The following TLK1 variants were observed in gnomAD, a reference collection of about 807,000 sequenced individuals.
TLK1 encodes serine/threonine-protein kinase tousled-like 1.
TLK1 carries 24 observed loss-of-function variants against 105.3 expected under a neutral mutation model. That is an observed-to-expected ratio of 0.23 (90% CI 0.17 to 0.32). The LOEUF is 0.32. Among genes scored for constraint, TLK1 ranks in the 10% least tolerant of loss-of-function variants. The pLI, the probability that TLK1 is intolerant of heterozygous loss-of-function variation, is 1.00. For synonymous variants in TLK1, 321 were observed against 310.4 expected (o/e 1.03, Z -0.36); for missense variants, 558 against 910.5 (o/e 0.61, Z 4.98).
intron 2 of TLK1, among the ~76,000 whole-genome samples, chr2:171,098,936 A>G (rs751234792): frequency 2.0e-5 from 3 of 152,216 alleles, no homozygotes; most frequent in Non-Finnish European, 4.4e-5. Context: ...AGAGCCACTC[A>G]GCAATCTAGA....
intron 1 of TLK1, among the ~76,000 whole-genome samples, chr2:171,137,159 A>C (rs1445166859): frequency 6.6e-6 from 1 of 152,024 alleles, no homozygotes; most frequent in Non-Finnish European, 1.5e-5. Context: ...CCATCTCTAC[A>C]AAAAATATAA....
chr2:171,087,143 C>T (rs1355426850), intron 2 of TLK1, among the ~76,000 whole-genome samples: 1 of 152,084 alleles, frequency 6.6e-6, no homozygotes, highest in Non-Finnish European at 1.5e-5. Flanking sequence ...AATTTGTAAT[C>T]ATATGAAGAA....
At chr2:171,146,509 T>C (rs1331682562) in intron 1 of TLK1, among the ~76,000 whole-genome samples, 2 of 152,096 alleles carry the variant, frequency 1.3e-5, no homozygotes, top group Admixed American at 6.6e-5. Context: ...AATATTCAAA[T>C]ATATAAAAGA....
At chr2:171,174,201 C>A (rs1692779459) in intron 1 of TLK1, among the ~76,000 whole-genome samples, 2 of 152,176 alleles carry the variant, frequency 1.3e-5, no homozygotes, top group Non-Finnish European at 2.9e-5. Flanking sequence ...GAATCCCACA[C>A]TGCAGCCACA....
chr2:171,049,998 T>C (rs757657569), intron 9 of TLK1, 48 bp from the exon 10 acceptor site: 1 of 1,611,410 alleles, frequency 6.2e-7, no homozygotes, highest in African/African-American at 1.3e-5. Context: ...CATTAATTTA[T>C]AAAAGCATAC....
chr2:171,116,233 G>C (rs1242737925), intron 2 of TLK1, among the ~76,000 whole-genome samples: 1 of 152,156 alleles, frequency 6.6e-6, no homozygotes, highest in East Asian at 1.9e-4. Flanking sequence ...AGAGACATAT[G>C]ACAAAGTGGG....
At chr2:171,023,156 T>C (rs1447743971) in intron 12 of TLK1, 2 of 471,030 alleles carry the variant, frequency 4.2e-6, no homozygotes, top group Non-Finnish European at 8.8e-6. Flanking sequence ...CAAGGAGAGA[T>C]GAATGCCACA....
intron 1 of TLK1, among the ~76,000 whole-genome samples, chr2:171,168,545 C>T (rs1692654386): frequency 6.6e-6 from 1 of 151,616 alleles, no homozygotes; most frequent in Non-Finnish European, 1.5e-5. Flanking sequence ...AAATTAGGAA[C>T]ATTCTCCCAT....
intron 12 of TLK1, among the ~76,000 whole-genome samples, chr2:171,017,969 TAACTCTGCTACG>T (rs1278070288): frequency 4.6e-5 from 7 of 152,218 alleles, no homozygotes; most frequent in Non-Finnish European, 8.8e-5. Flanking sequence ...GGGGGAAAGG[TAACTCTGCTACG>T]CTAAAAATTC....
intron 3 of TLK1, among the ~76,000 whole-genome samples, chr2:171,069,623 G>A (rs1688161496): frequency 6.6e-6 from 1 of 152,118 alleles, no homozygotes; most frequent in Admixed American, 6.5e-5. Flanking sequence ...TAATGTTAAG[G>A]GTGAGAAACC....
intron 2 of TLK1, among the ~76,000 whole-genome samples, chr2:171,103,350 C>T (rs1411723380): frequency 6.6e-6 from 1 of 151,058 alleles, no homozygotes; most frequent in Non-Finnish European, 1.5e-5. Context: ...TCCTGGCTCA[C>T]TGCAATCTCC....
Position 171,030,347 on chromosome 2 carries a change from A to G in TLK1, c.1170-1942T>C, listed in dbSNP as rs181713617. Among the ~76,000 whole-genome samples, 19 of 152,300 alleles carry G rather than the reference A, an allele frequency of 1.2e-4. No homozygotes were observed. In the East Asian group the frequency reaches 3.5e-3, roughly 28 times the overall value. The stretch of plus-strand genomic sequence containing the variant: ...TTAACATGTTAAATTAAACTTCTCT[A>G]CCTAGTCTTAGGGTGACACAACTAC... On this transcript the variant is annotated intron_variant, in intron 11 of 20. Transcript: ENST00000431350.
intron 2 of TLK1, among the ~76,000 whole-genome samples, chr2:171,108,626 CAG>C (rs920255849): frequency 1.3e-5 from 2 of 151,046 alleles, no homozygotes; most frequent in African/African-American, 4.9e-5. Flanking sequence ...TTAAATGAGA[CAG>C]GGTCTCACTC....
intron 1 of TLK1, among the ~76,000 whole-genome samples, chr2:171,140,929 T>C (rs908264268): frequency 6.6e-6 from 1 of 152,032 alleles, no homozygotes. Context: ...GAGAATAAAA[T>C]TGAAATTCTA....
At chr2:171,070,712 T>C (rs1245694193) in intron 3 of TLK1, among the ~76,000 whole-genome samples, 2 of 152,220 alleles carry the variant, frequency 1.3e-5, no homozygotes, top group Admixed American at 6.5e-5. Context: ...ATCTTGGCTA[T>C]TGTGAATAGT....
At chr2:171,147,333 A>G (rs1411563303) in intron 1 of TLK1, among the ~76,000 whole-genome samples, 1 of 152,248 alleles carries the variant, frequency 6.6e-6, no homozygotes, top group African/African-American at 2.4e-5. Context: ...TTCCACTAAG[A>G]AAACAACAGT....
intron 19 of TLK1, among the ~76,000 whole-genome samples, chr2:170,996,989 G>A (rs1035479316): frequency 6.6e-6 from 1 of 152,098 alleles, no homozygotes; most frequent in Non-Finnish European, 1.5e-5. Context: ...AACACTGTAA[G>A]AAGAAGAAAA....
At chr2:171,038,519 C>T (rs549871771) in intron 11 of TLK1, among the ~76,000 whole-genome samples, 3 of 152,180 alleles carry the variant, frequency 2.0e-5, no homozygotes, top group Non-Finnish European at 4.4e-5. Context: ...CTTTCACTAA[C>T]ATTCATTTCA....
chr2:171,112,739 C>A (rs1690236664), intron 2 of TLK1, among the ~76,000 whole-genome samples: 1 of 151,814 alleles, frequency 6.6e-6, no homozygotes, highest in Non-Finnish European at 1.5e-5. Flanking sequence ...GATACAAGAC[C>A]AAACTATAAA....
Sources: allele counts gnomAD v4.1 joint callset (sites outside exome capture counted in the v4.1 genomes callset), GRCh38; gene constraint gnomAD v4.1.1; transcripts MANE v1.5; gene names NCBI Gene and HGNC (gene_info 2026-07-23, HGNC 2026-07-21).